The following PTDSS2 variants were observed in gnomAD, a reference collection of about 807,000 sequenced individuals.
PTDSS2 encodes the protein phosphatidylserine synthase 2, also known as PSS-2.
Under a neutral mutation model 64.7 loss-of-function variants are expected in PTDSS2, and 41 were observed. That is an observed-to-expected ratio of 0.63 (90% confidence interval 0.49 to 0.82). PTDSS2 has a LOEUF of 0.82. Ranked by LOEUF, PTDSS2 falls within the 40% of genes least tolerant of loss-of-function variation. PTDSS2 has a pLI of 0.00. For synonymous variants in PTDSS2, 297 were observed against 277.8 expected (o/e 1.07, Z -0.69); for missense variants, 485 against 650.0 (o/e 0.75, Z 2.76).
At chr11:473,268 G>A (rs1158309526) in intron 2 of PTDSS2, among the ~76,000 whole-genome samples, 2 of 152,196 alleles carry the variant, frequency 1.3e-5, no homozygotes, top group Non-Finnish European at 2.9e-5. Context: ...CAGCTCTCAC[G>A]CTTCCATCTT....
intron 2 of PTDSS2, among the ~76,000 whole-genome samples, chr11:468,507 T>C (rs139940214): frequency 1.3e-5 from 2 of 152,322 alleles, no homozygotes; most frequent in African/African-American, 4.8e-5. Flanking sequence ...CTGACAAGAA[T>C]CTTAACTACT....
intron 1 of PTDSS2, chr11:451,280 A>C (rs1272252081): frequency 5.0e-6 from 2 of 396,536 alleles, no homozygotes; most frequent in Non-Finnish European, 1.1e-5. Flanking sequence ...CCTGTCCGCC[A>C]CTCTGCCTTT....
At chr11:473,374 A>C (rs1227317227) in intron 2 of PTDSS2, among the ~76,000 whole-genome samples, 2 of 152,168 alleles carry the variant, frequency 1.3e-5, no homozygotes, top group Non-Finnish European at 2.9e-5. Context: ...GCCGCGTTGG[A>C]GCAGGGAGGC....
chr11:488,298 T>G lies in PTDSS2; in HGVS notation c.721T>G (p.Cys241Gly). 6.2e-7 allele frequency: 1 copy of G among 1,612,682 alleles called. No individual in the cohort carries two copies. Among genetic ancestry groups the G allele is most frequent in the East Asian group, 2.2e-5 (1 of 44,874 alleles). ...LEHQLPNFSE[C>G]WWDHWIMDVL... ...GCACCAGCTGCCCAACTTCAGCGAG[T>G]GCTGGTGGGATCACGTAGGTGCCAG... Residue 241 changes from cysteine to glycine, a missense_variant, in exon 7 of 12, where the codon TGC (cysteine) becomes GGC (glycine). Coordinates refer to ENST00000308020, the MANE Select transcript of PTDSS2 (RefSeq NM_030783.3).
rs1848636692 is a variant in PTDSS2, at chr11:490,672, C to T, written c.*90C>T. ...GTCCCACCAGGAGCCACGTGCCCGGCCTTGCCCTCAAGGTTTTTTGCTTTT... is the reference window on the plus strand; with the variant it reads ...GTCCCACCAGGAGCCACGTGCCCGGTCTTGCCCTCAAGGTTTTTTGCTTTT... On this transcript the variant is annotated 3_prime_UTR_variant, in exon 12 of 12. Transcript: ENST00000308020. 3 of 1,364,942 alleles carry T rather than the reference C, an allele frequency of 2.2e-6. No homozygotes were observed. Among genetic ancestry groups the T allele is most frequent in the South Asian group, 2.9e-5 (2 of 68,878 alleles). 84.6% of individuals were successfully genotyped at this position (1,364,942 alleles called of 1,614,324 possible).
At chr11:463,021 G>A (rs1217990536) in intron 2 of PTDSS2, 1 of 151,880 alleles carries the variant, frequency 6.6e-6, no homozygotes, top group African/African-American at 2.4e-5. Context: ...ACAAAAATTA[G>A]CCGGGCGCGG....
In PTDSS2 at chr11:461,337, A is replaced by G. The variant is rs556236760; in HGVS notation, c.284+1049A>G. Among the ~76,000 whole-genome samples, 98 of 152,324 alleles carry G rather than the reference A, an allele frequency of 6.4e-4. No individual in the cohort carries two copies. The highest frequency in any genetic ancestry group is 7.7e-4 in the East Asian group (4 of 5,196). ...CCAGCCCTGTGGGCTCTAGAACACAAGCATGCCCAGTGCCCTGTCTGTAGG... is the reference window on the plus strand; with the variant it reads ...CCAGCCCTGTGGGCTCTAGAACACAGGCATGCCCAGTGCCCTGTCTGTAGG... On this transcript the variant is annotated intron_variant, in intron 2 of 11. Transcript: ENST00000308020. The surrounding 1 kb of genome is among the most constrained non-coding windows in gnomAD (Gnocchi z 4.2).
intron 3 of PTDSS2, 116 bp downstream of exon 3, chr11:474,093 C>T: frequency 1.2e-6 from 1 of 815,410 alleles, no homozygotes; most frequent in South Asian, 1.4e-5. Flanking sequence ...TGGCCCCTCC[C>T]CGAGGCCTCC....
rs758985275 is a variant in PTDSS2, at chr11:462,447, C to T, written c.284+2159C>T. On this transcript the variant is annotated intron_variant, in intron 2 of 11. Transcript: ENST00000308020. This position sits in a 1 kb window ranked among gnomAD's most constrained non-coding sequence, Gnocchi z 4.5. Reference sequence around the variant, plus strand: ...TCTCTGAGGTTCTGTTCTGGGGACACTAAACGCGCTCCCAACTCACATTCT... The same window carrying T: ...TCTCTGAGGTTCTGTTCTGGGGACATTAAACGCGCTCCCAACTCACATTCT... Among the ~76,000 whole-genome samples, 3 of 152,222 alleles carry T rather than the reference C, an allele frequency of 2.0e-5. No homozygotes were observed. Among genetic ancestry groups the T allele is most frequent in the Admixed American group, 1.3e-4 (2 of 15,284 alleles).
intron 4 of PTDSS2, among the ~76,000 whole-genome samples, chr11:485,982 G>A (rs1848355712): frequency 1.4e-5 from 2 of 143,990 alleles, no homozygotes; most frequent in African/African-American, 2.7e-5. Flanking sequence ...CTCACCGTGC[G>A]CGCAGGCGAG....
chr11:485,260 T>TGC (rs1848288525), intron 4 of PTDSS2, among the ~76,000 whole-genome samples: 2 of 132,758 alleles, frequency 1.5e-5, no homozygotes, highest in Admixed American at 7.7e-5. Context: ...GTGTGCTCAC[T>TGC]GCGCAGGCGA....
At position 465,920 on chromosome 11, in the gene PTDSS2, C is replaced by T. The variant is rs558371197; in HGVS notation, c.284+5632C>T. Among the ~76,000 whole-genome samples, 5 of 152,036 alleles carry T rather than the reference C, an allele frequency of 3.3e-5. No individual in the cohort carries two copies. The East Asian group carries it at 9.7e-4, about 29-fold the overall frequency. ...TAGCACCACTGCACTCCAGCCTAGG[C>T]GACAGAGTGAGACCTTGAAAAAATT... On this transcript the variant is annotated intron_variant, in intron 2 of 11. Coordinates refer to ENST00000308020, the MANE Select transcript of PTDSS2 (RefSeq NM_030783.3).
At chr11:485,114 C>T (rs561850907) in intron 4 of PTDSS2, among the ~76,000 whole-genome samples, 96 of 112,138 alleles carry the variant, frequency 8.6e-4, no homozygotes, top group Middle Eastern at 0.021. Context: ...AAACAGTGCA[C>T]GGGCGCGTGT....
chr11:481,227 C>T (rs533601768), intron 4 of PTDSS2, among the ~76,000 whole-genome samples: 5 of 152,186 alleles, frequency 3.3e-5, no homozygotes, highest in African/African-American at 1.2e-4. Context: ...TGGACGGTTT[C>T]GAGGATTGGT....
intron 11 of PTDSS2, 100 bp downstream of exon 11, chr11:490,168 C>T: frequency 7.4e-7 from 1 of 1,346,058 alleles, no homozygotes; most frequent in South Asian, 1.4e-5. Context: ...GTCTCACTGT[C>T]CCTGCTTCAA....
chr11:489,813 G>A (rs889706608), intron 10 of PTDSS2, 70 bp from the exon 11 acceptor site: 35 of 1,552,238 alleles, frequency 2.3e-5, no homozygotes, highest in Admixed American at 1.4e-4. Context: ...CTGGGAGGCC[G>A]GAGCCTGGGC....
chr11:468,318 G>T, intron 2 of PTDSS2, among the ~76,000 whole-genome samples: 1 of 152,224 alleles, frequency 6.6e-6, no homozygotes, highest in Non-Finnish European at 1.5e-5. Flanking sequence ...CGGGGAAAGG[G>T]GAGAGTGGAT....
Position 488,246 on chromosome 11 carries a change from G to T in PTDSS2, c.669G>T (p.Met223Ile). 6.2e-7 allele frequency: 1 copy of T among 1,613,624 alleles called. No homozygotes were observed. The highest frequency in any genetic ancestry group is 1.1e-5 in the South Asian group (1 of 91,090). The change falls in exon 7 of 12, where the codon ATG becomes ATT. Residue 223 changes from methionine to isoleucine, a missense_variant. By Grantham distance (10) the Met-to-Ile change is conservative. This residue lies in a region of PTDSS2 where 251 missense variants were observed against 348.0 expected (regional missense o/e 0.72). Transcript: ENST00000308020. ...DWWMCMIISV[M>I]FEFLEYSLEH... Reference sequence around the variant, plus strand: ...GGATGTGCATGATCATCAGCGTGATGTTCGAGTTCCTGGAGTACAGCCTGG... The same window carrying T: ...GGATGTGCATGATCATCAGCGTGATTTTCGAGTTCCTGGAGTACAGCCTGG...
chr11:452,591 G>T (rs1276436807), intron 1 of PTDSS2, among the ~76,000 whole-genome samples: 1 of 152,218 alleles, frequency 6.6e-6, no homozygotes. Context: ...GGGGCTGGCT[G>T]GTCCAGGTAC....
Sources: allele counts gnomAD v4.1 joint callset (sites outside exome capture counted in the v4.1 genomes callset), GRCh38; gene constraint gnomAD v4.1.1; regional missense constraint gnomAD v4.1.1; non-coding constraint Gnocchi (gnomAD v3.1); transcripts MANE v1.5; gene names NCBI Gene and HGNC (gene_info 2026-07-23, HGNC 2026-07-21).